Variants in DPP6 observed in about 807,000 individuals in gnomAD.
The protein encoded by DPP6 is dipeptidyl peptidase like 6, also known as A-type potassium channel modulatory protein DPP6.
In DPP6, 69 loss-of-function variants were observed where a neutral mutation model predicts 122.6. That is an observed-to-expected ratio of 0.56 (90% confidence interval 0.46 to 0.69). The LOEUF (loss-of-function observed/expected upper bound fraction) is 0.69. Ranked by LOEUF, DPP6 falls within the 30% of genes least tolerant of loss-of-function variation. The pLI, the probability that DPP6 is intolerant of heterozygous loss-of-function variation, is 0.00. For synonymous variants in DPP6, 418 were observed against 433.1 expected (o/e 0.97, Z 0.43); for missense variants, 928 against 1,116.9 (o/e 0.83, Z 2.41).
chr7:154,588,030 G>A lies in DPP6; in HGVS notation c.627+21114G>A, dbSNP rs369399467. 3.3e-5 allele frequency: 54 copies of A among 1,612,254 alleles called. No homozygotes were observed. The highest frequency in any genetic ancestry group is 2.3e-4 in the African/African-American group (17 of 75,060). On this transcript the variant is annotated intron_variant, in intron 5 of 25. Coordinates refer to ENST00000377770, the MANE Select transcript of DPP6 (RefSeq NM_130797.4). The stretch of plus-strand genomic sequence containing the variant: ...GTGAGGCATCGCATCTGCTCACCCC[G>A]GGGATAATGCACAGCAGCTACAGGC...
rs554855334 is a variant in DPP6 at position 154,332,563 on chromosome 7, G to A, written c.244-113651G>A. Among the ~76,000 whole-genome samples the A allele has an allele frequency of 2.0e-5, 3 of 152,322 alleles. No homozygotes were observed. In the South Asian group the frequency reaches 6.2e-4, roughly 32 times the overall value. ...TGGGGTCTTTGTGTGTCCACACATG[G>A]TGTGTCTGTCCATTAGGAGGAAAGT... On this transcript the variant is annotated intron_variant, in intron 1 of 25. Transcript: ENST00000377770.
chr7:154,690,328 C>T (rs778576440), intron 7 of DPP6, among the ~76,000 whole-genome samples: 13 of 152,082 alleles, frequency 8.5e-5, no homozygotes, highest in Non-Finnish European at 1.3e-4. Flanking sequence ...TGTCGGCCTT[C>T]CCTTAGGACC....
intron 16 of DPP6, among the ~76,000 whole-genome samples, chr7:154,840,071 G>A (rs368543260): frequency 6.6e-6 from 1 of 152,176 alleles, no homozygotes; most frequent in African/African-American, 2.4e-5. Flanking sequence ...TTCAAAAAAC[G>A]GGGTTTGCTT....
At chr7:153,851,236 G>A in the DPP6 span, among the ~76,000 whole-genome samples, 9 of 152,166 alleles carry the variant, frequency 5.9e-5, no homozygotes, top group Admixed American at 2.6e-4. Context: ...TTTAAAAAAT[G>A]TAAACATAAA....
At chr7:154,529,945 G>GTGAAACC (rs1827703919) in intron 3 of DPP6, among the ~76,000 whole-genome samples, 1 of 152,068 alleles carries the variant, frequency 6.6e-6, no homozygotes, top group Non-Finnish European at 1.5e-5. Flanking sequence ...GGCCAACATA[G>GTGAAACC]TGAAACCCTG....
chr7:154,008,943 G>C (rs1402686310), intron 1 of DPP6, among the ~76,000 whole-genome samples: 1 of 148,370 alleles, frequency 6.7e-6, no homozygotes, highest in Non-Finnish European at 1.5e-5. Flanking sequence ...GGGATTACAG[G>C]CGTGAGCCAC....
chr7:154,706,564 C>T (rs977725604), intron 7 of DPP6, among the ~76,000 whole-genome samples: 4 of 152,214 alleles, frequency 2.6e-5, no homozygotes, highest in Admixed American at 1.3e-4. Flanking sequence ...TGGGCAGGGC[C>T]TGATGCTGGT....
At chr7:154,694,493 T>G (rs957792327) in intron 7 of DPP6, among the ~76,000 whole-genome samples, 2 of 152,004 alleles carry the variant, frequency 1.3e-5, no homozygotes, top group East Asian at 3.9e-4. Context: ...GTGCCTGTAA[T>G]CCCAGCTACT....
intron 1 of DPP6, among the ~76,000 whole-genome samples, chr7:154,243,652 G>C (rs751883183): frequency 4.0e-5 from 6 of 151,820 alleles, no homozygotes; most frequent in Non-Finnish European, 8.8e-5. Flanking sequence ...AAAATTAGCC[G>C]GGCATGGTGG....
chr7:154,741,250 TATC>T (rs1325912354), intron 8 of DPP6, among the ~76,000 whole-genome samples: 1 of 152,198 alleles, frequency 6.6e-6, no homozygotes, highest in Non-Finnish European at 1.5e-5. Flanking sequence ...CATGCAGACC[TATC>T]ATCTGCAGCC....
the DPP6 span, among the ~76,000 whole-genome samples, chr7:153,832,303 C>G: frequency 6.6e-6 from 1 of 152,162 alleles, no homozygotes; most frequent in South Asian, 2.1e-4. Flanking sequence ...CTGTTCTCTG[C>G]TGGTAAAAGG....
chr7:154,688,627 T>C (rs892122538), intron 7 of DPP6, among the ~76,000 whole-genome samples: 2 of 152,146 alleles, frequency 1.3e-5, no homozygotes, highest in African/African-American at 2.4e-5. Flanking sequence ...ACTGAACAAC[T>C]TGGAGTCTGA....
chr7:153,941,501 T>G (rs6956665), intron 1 of DPP6, among the ~76,000 whole-genome samples: 21,686 of 152,074 alleles, frequency 0.14, 1,761 homozygotes, highest in African/African-American at 0.22. Flanking sequence ...CATGGAATGA[T>G]TCCCTGGCAG....
intron 17 of DPP6, among the ~76,000 whole-genome samples, chr7:154,859,303 G>A (rs1262105676): frequency 1.3e-5 from 2 of 152,230 alleles, no homozygotes; most frequent in East Asian, 3.8e-4. Flanking sequence ...CGGGGCCCAT[G>A]GCCTACAGCT....
At position 154,669,538 on chromosome 7, in the gene DPP6, TTGTGTGTGTGTG is replaced by T. The variant is rs3220067; in HGVS notation, c.762+115_762+126del. On this transcript the variant is annotated intron_variant, in intron 7 of 25. Coordinates refer to ENST00000377770, the MANE Select transcript of DPP6 (RefSeq NM_130797.4). ...CACTGTACTCAGCCTGTACATGGTG[TTGTGTGTGTGTG>T]TGTGTGTGTGTGTGTGTAAATTAAA... 2.6e-5 allele frequency: 31 copies of T among 1,199,284 alleles called. No homozygotes were observed. In the South Asian group the frequency reaches 3.9e-4, roughly 15 times the overall value. 74.3% of individuals were successfully genotyped at this position (1,199,284 alleles called of 1,614,324 possible).
intron 5 of DPP6, among the ~76,000 whole-genome samples, chr7:154,581,647 A>G (rs537096792): frequency 6.6e-6 from 1 of 152,382 alleles, no homozygotes; most frequent in East Asian, 1.9e-4. Flanking sequence ...GGAGCCTTTC[A>G]GGCCCTTTTG....
At chr7:153,834,583 C>T in the DPP6 span, among the ~76,000 whole-genome samples, 6 of 152,122 alleles carry the variant, frequency 3.9e-5, no homozygotes, top group African/African-American at 1.4e-4. Context: ...TTGCATATCA[C>T]CTTTTGGTTT....
chr7:154,500,297 A>G (rs12668503), intron 3 of DPP6, among the ~76,000 whole-genome samples: 18,225 of 152,184 alleles, frequency 0.12, 1,692 homozygotes, highest in East Asian at 0.37. Flanking sequence ...TGAATTGCAC[A>G]CTGTAAAATA....
the DPP6 span, among the ~76,000 whole-genome samples, chr7:153,864,647 A>G: frequency 1.3e-5 from 2 of 150,422 alleles, no homozygotes; most frequent in South Asian, 4.2e-4. Context: ...ACAGAGCAAG[A>G]CTCTGTCTCA....
Sources: gnomAD v4.1 joint callset for allele counts (sites outside exome capture counted in the v4.1 genomes callset) on GRCh38, gnomAD v4.1.1 for gene constraint, MANE v1.5 for transcripts, NCBI Gene and HGNC (gene_info 2026-07-23, HGNC 2026-07-21) for gene names.